Variants in STRN observed in about 807,000 individuals in gnomAD.
STRN encodes protein phosphatase 2 regulatory subunit B'''alpha.
In STRN, 53 loss-of-function variants were observed where a neutral mutation model predicts 96.3. The ratio of observed to expected loss-of-function variants is 0.55; its 90% CI spans 0.44 to 0.69. The LOEUF (loss-of-function observed/expected upper bound fraction) is 0.69. Ranked by LOEUF, STRN falls within the 30% of genes least tolerant of loss-of-function variation. STRN has a pLI of 0.00. For missense variants in STRN, 987 were observed against 963.9 expected, an observed-to-expected ratio of 1.02 and a Z score of -0.32; for synonymous variants, 428 against 355.9, an observed-to-expected ratio of 1.20 and a Z score of -2.28.
At chr2:36,946,756 GAC>G (rs1246513814) in intron 1 of STRN, among the ~76,000 whole-genome samples, 5 of 152,180 alleles carry the variant, frequency 3.3e-5, no homozygotes, top group Admixed American at 6.5e-5. Flanking sequence ...GTAAAATTTA[GAC>G]AGTTTCTAAA....
intron 3 of STRN, among the ~76,000 whole-genome samples, chr2:36,905,945 A>T (rs1187349526): frequency 6.6e-6 from 1 of 152,230 alleles, no homozygotes; most frequent in African/African-American, 2.4e-5. Context: ...TAAAAGTATT[A>T]TAAAGTAGCA....
chr2:36,911,217 G>C (rs944703414), intron 3 of STRN, among the ~76,000 whole-genome samples: 1 of 152,108 alleles, frequency 6.6e-6, no homozygotes, highest in Non-Finnish European at 1.5e-5. Flanking sequence ...GCATGTAGGA[G>C]ATCCACTTCT....
At position 36,845,449 on chromosome 2, in the gene STRN, A is replaced by G. The variant is rs1668043440; in HGVS notation, c.*4007T>C. 6.6e-6 allele frequency: 1 copy of G among 152,170 alleles called. No homozygotes were observed. Among genetic ancestry groups the G allele is most frequent in the Non-Finnish European group, 1.5e-5 (1 of 68,004 alleles). The allele number at this position is 152,170 out of a possible 1,614,324, so 9.4% of individuals were successfully genotyped here. A position where few individuals can be genotyped will look rare whatever the true frequency, so the allele number is the denominator to read the frequency against. On this transcript the variant is annotated 3_prime_UTR_variant, in exon 18 of 18. Coordinates refer to ENST00000263918, the MANE Select transcript of STRN (RefSeq NM_003162.4). The stretch of plus-strand genomic sequence containing the variant: ...GCAATGACAAAGAGGTAGATATGAG[A>G]GATGCTTTTTAAATATTTTAAGACT...
intron 13 of STRN, among the ~76,000 whole-genome samples, chr2:36,859,145 AG>A (rs552248853): frequency 6.9e-4 from 105 of 152,334 alleles, no homozygotes; most frequent in Admixed American, 2.8e-3. Context: ...CTACATATTA[AG>A]GAACTTGGAA....
intron 1 of STRN, among the ~76,000 whole-genome samples, chr2:36,961,205 C>G (rs1665023090): frequency 6.8e-6 from 1 of 147,348 alleles, no homozygotes; most frequent in South Asian, 2.2e-4. Flanking sequence ...TGACTCACTG[C>G]AGCTTCAACC....
chr2:36,864,441 A>G (rs1010426800), intron 12 of STRN, among the ~76,000 whole-genome samples: 1 of 152,210 alleles, frequency 6.6e-6, no homozygotes. Context: ...AGTTCTGTTC[A>G]TGTGATGAAC....
chr2:36,961,329 G>A (rs889583209), intron 1 of STRN, among the ~76,000 whole-genome samples: 1 of 151,706 alleles, frequency 6.6e-6, no homozygotes, highest in East Asian at 1.9e-4. Context: ...GCCCAGGCTA[G>A]TCTTGAACTC....
At chr2:36,897,384 T>A (rs1420818888) in intron 6 of STRN, among the ~76,000 whole-genome samples, 1 of 151,898 alleles carries the variant, frequency 6.6e-6, no homozygotes, top group Admixed American at 6.6e-5. Flanking sequence ...AGCAAAACTG[T>A]TAAAACCAGT....
At chr2:36,883,897 T>C in intron 9 of STRN, 35 bp downstream of exon 9, 1 of 1,316,630 alleles carries the variant, frequency 7.6e-7, no homozygotes. Context: ...TACATCCAAG[T>C]GCATTTTGTG....
At chr2:36,937,271 G>A (rs1670726716) in intron 1 of STRN, among the ~76,000 whole-genome samples, 1 of 151,642 alleles carries the variant, frequency 6.6e-6, no homozygotes, top group African/African-American at 2.4e-5. Flanking sequence ...ATGAACCGGG[G>A]AGGTGGAGGT....
intron 15 of STRN, 30 bp from the exon 16 acceptor site, chr2:36,851,137 A>G (rs759786627): frequency 1.3e-6 from 2 of 1,535,412 alleles, no homozygotes; most frequent in Admixed American, 3.4e-5. Flanking sequence ...AAGCAACACA[A>G]CTTAGTCAAA....
At chr2:36,875,622 G>GAAAT (rs1668884315) in intron 10 of STRN, among the ~76,000 whole-genome samples, 1 of 146,462 alleles carries the variant, frequency 6.8e-6, no homozygotes, top group Non-Finnish European at 1.5e-5. Context: ...AGACAAACAT[G>GAAAT]AAATATAAGG....
intron 14 of STRN, among the ~76,000 whole-genome samples, 163 bp downstream of exon 14, chr2:36,857,690 AAAC>A (rs2148132818): frequency 6.6e-6 from 1 of 151,616 alleles, no homozygotes; most frequent in East Asian, 1.9e-4. Context: ...AAACAAAACA[AAAC>A]AAAATTATAT....
At chr2:36,964,743 T>C (rs1665117764) in intron 1 of STRN, among the ~76,000 whole-genome samples, 1 of 152,224 alleles carries the variant, frequency 6.6e-6, no homozygotes, top group African/African-American at 2.4e-5. Context: ...ATTCCTGAAC[T>C]CTGACTTATT....
chr2:36,953,126 C>T (rs918097592), intron 1 of STRN, among the ~76,000 whole-genome samples: 3 of 152,136 alleles, frequency 2.0e-5, no homozygotes, highest in Non-Finnish European at 4.4e-5. Context: ...TGAAACATTC[C>T]CCCGGCCCTT....
At chr2:36,851,459 G>A (rs1668221446) in intron 15 of STRN, among the ~76,000 whole-genome samples, 1 of 152,052 alleles carries the variant, frequency 6.6e-6, no homozygotes, top group Non-Finnish European at 1.5e-5. Flanking sequence ...TTCCAGCCTA[G>A]GTGTCAGAGC....
chr2:36,884,626 G>C (rs1439671862), intron 8 of STRN, among the ~76,000 whole-genome samples: 2 of 152,056 alleles, frequency 1.3e-5, no homozygotes, highest in Non-Finnish European at 2.9e-5. Flanking sequence ...GTTTAATTAA[G>C]AATGGGAAAA....
chr2:36,930,705 A>G (rs1277968630), intron 1 of STRN, among the ~76,000 whole-genome samples: 1 of 152,036 alleles, frequency 6.6e-6, no homozygotes, highest in Non-Finnish European at 1.5e-5. Flanking sequence ...CAAAACAAAA[A>G]GCAGGAAACA....
intron 8 of STRN, among the ~76,000 whole-genome samples, chr2:36,884,339 A>G (rs1352029509): frequency 6.6e-6 from 1 of 152,222 alleles, no homozygotes; most frequent in Non-Finnish European, 1.5e-5. Flanking sequence ...TAGACCATGA[A>G]AAATAACATT....
Sources: allele counts gnomAD v4.1 joint callset (sites outside exome capture counted in the v4.1 genomes callset), GRCh38; gene constraint gnomAD v4.1.1; transcripts MANE v1.5; gene names NCBI Gene and HGNC (gene_info 2026-07-23, HGNC 2026-07-21).